Variants in DMXL2 observed in about 807,000 individuals in gnomAD.
The protein encoded by DMXL2 is dmX-like protein 2.
In DMXL2, 103 loss-of-function variants were observed where a neutral mutation model predicts 331.1. The observed-to-expected ratio is 0.31, with a 90% CI of 0.27 to 0.37. DMXL2 has a LOEUF of 0.37. DMXL2 is among the 10% of genes least tolerant of loss of function. The pLI, the probability that DMXL2 is intolerant of heterozygous loss-of-function variation, is 1.00. For missense variants in DMXL2, 3,171 were observed against 3,642.9 expected (o/e 0.87, Z 3.33); for synonymous variants, 1,281 against 1,252.1 (o/e 1.02, Z -0.49).
intron 6 of DMXL2, among the ~76,000 whole-genome samples, chr15:51,553,020 G>A (rs535983751): frequency 3.8e-4 from 58 of 152,262 alleles, no homozygotes; most frequent in Non-Finnish European, 7.5e-4. Flanking sequence ...TGTCTCCTTC[G>A]TAGTATTCAA....
At position 51,565,310 on chromosome 15, in the gene DMXL2, CAT is replaced by C. The variant is rs1457084240; in HGVS notation, c.286-146_286-145del. The stretch of plus-strand genomic sequence containing the variant: ...GATGAAAATATTTCACTATTATTTT[CAT>C]ATACTGTTTTTAACGTAACTTTCAT... On this transcript the variant is annotated intron_variant, in intron 3 of 43. Transcript: ENST00000560891. The C allele has an allele frequency of 2.1e-4, 113 of 537,616 alleles. 1 individual carries two copies. Among genetic ancestry groups the C allele is most frequent in the Non-Finnish European group, 5.4e-5 (17 of 313,194 alleles). 33.3% of individuals were successfully genotyped at this position (537,616 alleles called of 1,614,324 possible).
At chr15:51,577,922 C>A (rs1183257008) in intron 1 of DMXL2, among the ~76,000 whole-genome samples, 1 of 152,168 alleles carries the variant, frequency 6.6e-6, no homozygotes, top group Non-Finnish European at 1.5e-5. Flanking sequence ...AAAATTTACA[C>A]AGTCATTTAA....
chr15:51,539,950 T>C (rs981675256), intron 9 of DMXL2, among the ~76,000 whole-genome samples: 1 of 152,220 alleles, frequency 6.6e-6, no homozygotes, highest in Non-Finnish European at 1.5e-5. Context: ...ACAATAAATA[T>C]GAATGTTAAA....
Position 51,478,257 on chromosome 15 carries a change from TG to T in DMXL2, c.6833+13del, listed in dbSNP as rs771804262. On this transcript the variant is annotated intron_variant, in intron 26 of 43. Transcript: ENST00000560891. Reference sequence around the variant, plus strand: ...TTTGCTGTATTAATACTATTTTGGGTGATTTTTTTTTACCTGTAGCTATGAC... The same window carrying T: ...TTTGCTGTATTAATACTATTTTGGGTATTTTTTTTTACCTGTAGCTATGAC... The T allele has an allele frequency of 1.6e-5, 24 of 1,514,902 alleles. No individual in the cohort carries two copies. Among genetic ancestry groups the T allele is most frequent in the Non-Finnish European group, 2.1e-5 (24 of 1,131,402 alleles). 93.8% of individuals were successfully genotyped at this position (1,514,902 alleles called of 1,614,324 possible). A position where few individuals can be genotyped will look rare whatever the true frequency, so the allele number is the denominator to read the frequency against.
At chr15:51,590,356 C>A (rs1176131390) in intron 1 of DMXL2, among the ~76,000 whole-genome samples, 3 of 152,146 alleles carry the variant, frequency 2.0e-5, no homozygotes, top group Non-Finnish European at 2.9e-5. Flanking sequence ...ATAGACCCAA[C>A]ACAAAAAGAG....
intron 6 of DMXL2, among the ~76,000 whole-genome samples, chr15:51,548,808 A>G (rs888373183): frequency 6.6e-6 from 1 of 152,144 alleles, no homozygotes. Context: ...AAAAACTTCT[A>G]AATTACAGGG....
intron 24 of DMXL2, 68 bp downstream of exon 24, chr15:51,480,474 A>G: frequency 1.4e-6 from 2 of 1,455,530 alleles, no homozygotes; most frequent in Non-Finnish European, 1.8e-6. Flanking sequence ...AGAGCTTTAT[A>G]GCTATAACTG....
chr15:51,450,511 A>G, intron 42 of DMXL2, 165 bp from the exon 43 acceptor site: 1 of 688,350 alleles, frequency 1.5e-6, no homozygotes, highest in Non-Finnish European at 2.4e-6. Flanking sequence ...ATGATTAAAG[A>G]AAAATGTTAA....
chr15:51,498,971 C>T lies in DMXL2; in HGVS notation c.4253G>A (p.Arg1418Gln), dbSNP rs755717597. 4 of 1,613,886 alleles carry T rather than the reference C, an allele frequency of 2.5e-6. No homozygotes were observed. In the Admixed American group the frequency reaches 5.0e-5, roughly 20 times the overall value. Residue 1418 changes from arginine (R) to glutamine (Q), a missense_variant, in exon 18 of 44, where the codon CGA becomes CAA. This residue lies in a region of DMXL2 where 1,674 missense variants were observed against 1,780.2 expected (regional missense o/e 0.94). Coordinates refer to ENST00000560891, the MANE Select transcript of DMXL2 (RefSeq NM_001378457.1). ...ETVTVGKDGT[R>Q]DYTEIDSIPP... ...GATAGAATCTATCTCAGTATAATCT[C>T]GAGTACCATCTTTTCCTACGGTGAC...
At chr15:51,565,187 G>T (rs765253086) in intron 3 of DMXL2, 21 bp from the exon 4 acceptor site, 2 of 1,503,286 alleles carry the variant, frequency 1.3e-6, no homozygotes, top group Non-Finnish European at 1.8e-6. Context: ...TAGACAAAAA[G>T]AAATAAGAAA....
rs181699739 is a variant in DMXL2 at position 51,453,455 on chromosome 15, G to C, written c.8696+95C>G. 44 of 862,372 alleles carry C rather than the reference G, an allele frequency of 5.1e-5. No individual in the cohort carries two copies. In the African/African-American group the frequency reaches 6.5e-4, roughly 13 times the overall value. 53.4% of individuals were successfully genotyped at this position (862,372 alleles called of 1,614,324 possible). ...ACAAAGTTTTTTTTTTTAATGCCTA[G>C]AGTGGAAAAACCCTACTAATAGAAA... On this transcript the variant is annotated intron_variant, in intron 41 of 43. Coordinates refer to ENST00000560891, the MANE Select transcript of DMXL2 (RefSeq NM_001378457.1).
In DMXL2 at chr15:51,448,161, T is replaced by G. The variant is rs565980211; in HGVS notation, c.*823A>C. ...CCTAACATTCATTTTAATTATGATA[T>G]GAAATGCTCTATTGGTGTAGTTTCA... is the stretch of plus-strand genomic sequence containing the variant. On this transcript the variant is annotated 3_prime_UTR_variant, in exon 44 of 44. Coordinates refer to ENST00000560891, the MANE Select transcript of DMXL2 (RefSeq NM_001378457.1). 6.5e-6 allele frequency: 1 copy of G among 152,672 alleles called. No individual in the cohort carries two copies. The highest frequency in any genetic ancestry group is 2.4e-5 in the African/African-American group (1 of 41,470). 9.5% of individuals were successfully genotyped at this position (152,672 alleles called of 1,614,324 possible).
At chr15:51,518,086 C>A (rs1228569884) in intron 13 of DMXL2, among the ~76,000 whole-genome samples, 2 of 152,122 alleles carry the variant, frequency 1.3e-5, no homozygotes, top group Admixed American at 1.3e-4. Flanking sequence ...AATTCCAGCA[C>A]TTTGACAGGC....
intron 1 of DMXL2, among the ~76,000 whole-genome samples, chr15:51,611,670 C>T (rs2053979422): frequency 6.6e-6 from 1 of 152,168 alleles, no homozygotes; most frequent in Non-Finnish European, 1.5e-5. Flanking sequence ...TTCATTAAAT[C>T]ATTTAACTTC....
intron 42 of DMXL2, chr15:51,450,558 T>A: frequency 1.8e-6 from 1 of 552,112 alleles, no homozygotes; most frequent in Admixed American, 3.1e-5. Flanking sequence ...ATAATCTCAA[T>A]ATGAAATGAA....
chr15:51,450,270 C>G lies in DMXL2; in HGVS notation c.8826G>C (p.Arg2942Ser). 1.2e-6 allele frequency: 2 copies of G among 1,613,946 alleles called. No individual in the cohort carries two copies. Among genetic ancestry groups the G allele is most frequent in the Non-Finnish European group, 8.5e-7 (1 of 1,179,960 alleles). The part of the protein sequence containing the change: ...PKQQLLISGG[R>S]KGHVCIFDIR... ...TGTCAAAAATGCAGACGTGTCCTTT[C>G]CTACCCCCCGAGATTAGGAGTTGCT... Residue 2942 changes from arginine to serine, a missense_variant, in exon 43 of 44, where the codon AGG (arginine) becomes AGC (serine). Transcript: ENST00000560891.
At chr15:51,559,009 T>C (rs1356454241) in intron 6 of DMXL2, among the ~76,000 whole-genome samples, 1 of 152,216 alleles carries the variant, frequency 6.6e-6, no homozygotes, top group Non-Finnish European at 1.5e-5. Flanking sequence ...TAGGCTTCAC[T>C]AGATTTGCAA....
chr15:51,565,725 T>C (rs903264607), intron 3 of DMXL2, among the ~76,000 whole-genome samples: 2 of 152,168 alleles, frequency 1.3e-5, no homozygotes, highest in African/African-American at 4.8e-5. Context: ...TGTTTACATA[T>C]TTCTTTGTAG....
At chr15:51,537,415 C>T (rs539854802) in intron 11 of DMXL2, 73 bp downstream of exon 11, 295 of 1,428,634 alleles carry the variant, frequency 2.1e-4, no homozygotes, top group Admixed American at 6.4e-4. Flanking sequence ...TAAAAACATG[C>T]TAACTCTACA....
Sources: allele counts gnomAD v4.1 joint callset (sites outside exome capture counted in the v4.1 genomes callset), GRCh38; gene constraint gnomAD v4.1.1; regional missense constraint gnomAD v4.1.1; transcripts MANE v1.5; gene names NCBI Gene and HGNC (gene_info 2026-07-23, HGNC 2026-07-21).